ZBTB32: variants seen among roughly 807,000 people sequenced by gnomAD.
ZBTB32 encodes zinc finger and BTB domain containing 32.
ZBTB32 carries 28 observed loss-of-function variants against 45.3 expected under a neutral mutation model. The observed-to-expected ratio is 0.62, with a 90% CI of 0.46 to 0.85. ZBTB32 has a LOEUF of 0.85. Among genes scored for constraint, ZBTB32 ranks in the 40% least tolerant of loss-of-function variants. The pLI is 0.00. For missense variants in ZBTB32, 587 were observed against 624.4 expected (o/e 0.94, Z 0.64); for synonymous variants, 283 against 255.7 (o/e 1.11, Z -1.02).
In ZBTB32 at chr19:35,715,101, G is replaced by A. The variant is rs1376487682; in HGVS notation, c.475G>A (p.Gly159Arg). ...ACCAGAACAGGTTTCTAGAACTGGT[G>A]GGAGAGAACAGGAGATGTTGCACAA... The part of the protein sequence containing the change: ...QKPEQVSRTG[G>R]REQEMLHKHS... Residue 159 changes from glycine (G) to arginine (R), a missense_variant, in exon 3 of 7, where the codon GGG becomes AGG. Coordinates refer to ENST00000392197, the MANE Select transcript of ZBTB32 (RefSeq NM_014383.3). 6.2e-7 allele frequency: 1 copy of A among 1,614,072 alleles called. No individual in the cohort carries two copies. Among genetic ancestry groups the A allele is most frequent in the Non-Finnish European group, 8.5e-7 (1 of 1,180,018 alleles).
rs2227278 is a variant in ZBTB32, at chr19:35,715,148, A to T, written c.522A>T (p.Arg174Ser). ...MLHKHSPPRG[R>S]PEMAGATQEA... The stretch of plus-strand genomic sequence containing the variant: ...ACAAGCACTCGCCACCAAGAGGCAG[A>T]CCCGAGATGGCAGGAGCAACGCAGG... The change falls in exon 3 of 7, where the codon AGA becomes AGT. Residue 174 changes from arginine (R) to serine (S), a missense_variant. Transcript: ENST00000392197. The T allele has an allele frequency of 1.2e-6, 2 of 1,613,722 alleles. No homozygotes were observed. Among genetic ancestry groups the T allele is most frequent in the Non-Finnish European group, 1.7e-6 (2 of 1,179,978 alleles).
intron 1 of ZBTB32, among the ~76,000 whole-genome samples, chr19:35,705,888 G>A (rs372958975): frequency 2.8e-5 from 4 of 145,374 alleles, no homozygotes; most frequent in African/African-American, 7.7e-5. Flanking sequence ...TCCAGCCTGG[G>A]CAACAGAGCA....
Position 35,715,041 on chromosome 19 carries a change from G to A in ZBTB32, c.415G>A (p.Glu139Lys). The A allele has an allele frequency of 6.2e-7, 1 of 1,613,404 alleles. No individual in the cohort carries two copies. Among genetic ancestry groups the A allele is most frequent in the Non-Finnish European group, 8.5e-7 (1 of 1,179,848 alleles). The change falls in exon 3 of 7, where the codon GAG becomes AAG. Residue 139 changes from glutamate to lysine, a missense_variant. Physicochemically the swap from Glu to Lys is moderately conservative, Grantham distance 56 (BLOSUM62 1). Coordinates refer to ENST00000392197, the MANE Select transcript of ZBTB32 (RefSeq NM_014383.3). ...GCCAGAGAAACCCTCAAGGAATCCTGAGAGAGAACTGGGGGACCCTGGAGA... is the reference window on the plus strand; with the variant it reads ...GCCAGAGAAACCCTCAAGGAATCCTAAGAGAGAACTGGGGGACCCTGGAGA... ...EEPEKPSRNP[E>K]RELGDPGEKQ...
At chr19:35,709,958 C>T (rs1162185336) in intron 1 of ZBTB32, among the ~76,000 whole-genome samples, 1 of 151,420 alleles carries the variant, frequency 6.6e-6, no homozygotes, top group Non-Finnish European at 1.5e-5. Flanking sequence ...GCCTGTAATC[C>T]CAGCACTTTG....
At chr19:35,715,908 C>T in intron 4 of ZBTB32, 31 bp from the exon 5 acceptor site, 1 of 1,611,506 alleles carries the variant, frequency 6.2e-7, no homozygotes, top group Non-Finnish European at 8.5e-7. Flanking sequence ...CCAGCCTGAG[C>T]AGGGCCCCTA....
intron 1 of ZBTB32, among the ~76,000 whole-genome samples, chr19:35,707,099 A>C (rs1475217357): frequency 6.6e-6 from 1 of 150,410 alleles, no homozygotes; most frequent in African/African-American, 2.4e-5. Flanking sequence ...GGAGGCTGAG[A>C]TAGGGGGATG....
chr19:35,709,809 G>A (rs1424770107), intron 1 of ZBTB32, among the ~76,000 whole-genome samples: 1 of 151,570 alleles, frequency 6.6e-6, no homozygotes, highest in African/African-American at 2.4e-5. Flanking sequence ...AACCCAGGAG[G>A]CGGAGGTTAC....
At chr19:35,715,670 G>T in intron 3 of ZBTB32, 87 bp from the exon 4 acceptor site, 1 of 1,504,250 alleles carries the variant, frequency 6.6e-7, no homozygotes, top group Non-Finnish European at 9.0e-7. Flanking sequence ...CCAGCCCCCG[G>T]GGGAGGACTT....
chr19:35,716,735 T>C lies in ZBTB32; in HGVS notation c.1447T>C (p.Ser483Pro), dbSNP rs369377421. 1.9e-5 allele frequency: 30 copies of C among 1,606,854 alleles called. No individual in the cohort carries two copies. The highest frequency in any genetic ancestry group is 1.7e-4 in the Middle Eastern group (1 of 6,042). ...GCCCTCGACCTCTCCCTGTTGTCCT[T>C]CTTCCTCCACCACCTGACGGGGTGT... ...SRPSTSPCCP[S>P]SSTT The change falls in exon 7 of 7, where the codon TCT (serine) becomes CCT (proline). Residue 483 changes from serine to proline, a missense_variant. Ser to Pro is a moderately conservative substitution (Grantham distance 74). Transcript: ENST00000392197.
chr19:35,705,254 G>A (rs1056513745), intron 1 of ZBTB32, among the ~76,000 whole-genome samples: 7 of 152,126 alleles, frequency 4.6e-5, no homozygotes, highest in South Asian at 2.1e-4. Context: ...GGAGATGAAC[G>A]TTGCAGTGAG....
In ZBTB32 at chr19:35,715,935, C is replaced by T; in HGVS notation, c.956-4C>T. On this transcript the variant is annotated splice_polypyrimidine_tract_variant and splice_region_variant and intron_variant, in intron 4 of 6. Transcript: ENST00000392197. ...GGGCCCCTACCTCCCACTGTTCCTT[C>T]CAGGTTCCCTCCCCCAGGGCCCCGC... The T allele has an allele frequency of 1.9e-6, 3 of 1,613,298 alleles. No homozygotes were observed. The South Asian group carries it at 3.3e-5, about 18-fold the overall frequency.
chr19:35,714,764 G>A lies in ZBTB32; in HGVS notation c.138G>A (p.Val46=). ...AGGAGTTCCCCGCCCACAGCCTGGTGCTAGCAGGTGTCAGCCAGCAGCTGG... is the reference window on the plus strand; with the variant it reads ...AGGAGTTCCCCGCCCACAGCCTGGTACTAGCAGGTGTCAGCCAGCAGCTGG... ...GSQEFPAHSL[V]LAGVSQQLGR... The change falls in exon 3 of 7, where the codon GTG becomes GTA. Residue 46 remains valine (V), a synonymous_variant. Transcript: ENST00000392197. The A allele has an allele frequency of 6.2e-7, 1 of 1,614,192 alleles. No homozygotes were observed.
Position 35,716,902 on chromosome 19 carries a change from C to T in ZBTB32, c.*150C>T. The stretch of plus-strand genomic sequence containing the variant: ...AGGGCGCCGAGTGCCCTCTCCTGGA[C>T]GATCGCGGGTCGCAGAAGCCCAGGC... On this transcript the variant is annotated 3_prime_UTR_variant, in exon 7 of 7. Transcript: ENST00000392197. 4 of 897,810 alleles carry T rather than the reference C, an allele frequency of 4.5e-6. No homozygotes were observed. The highest frequency in any genetic ancestry group is 1.7e-5 in the South Asian group (1 of 58,206). 55.6% of individuals were successfully genotyped at this position (897,810 alleles called of 1,614,324 possible).
At chr19:35,708,822 CTTT>C (rs560022559) in intron 1 of ZBTB32, among the ~76,000 whole-genome samples, 2 of 142,162 alleles carry the variant, frequency 1.4e-5, no homozygotes. Context: ...TTTCTTTTTT[CTTT>C]TTTTTTTTTT....
chr19:35,715,887 G>A, intron 4 of ZBTB32, 52 bp from the exon 5 acceptor site: 1 of 1,609,496 alleles, frequency 6.2e-7, no homozygotes, highest in Non-Finnish European at 8.5e-7. Context: ...CTGGGCTGGG[G>A]CTCGAGGAGT....
intron 1 of ZBTB32, among the ~76,000 whole-genome samples, chr19:35,707,069 C>T (rs973295125): frequency 2.0e-5 from 3 of 152,040 alleles, no homozygotes; most frequent in African/African-American, 7.2e-5. Flanking sequence ...ATGGCACATG[C>T]CTGTAATCCC....
intron 2 of ZBTB32, 26 bp from the exon 3 acceptor site, chr19:35,714,497 C>A: frequency 9.3e-7 from 1 of 1,074,174 alleles, no homozygotes; most frequent in Non-Finnish European, 1.3e-6. Context: ...ACCAGCAACT[C>A]ACACCCTCTC....
Position 35,716,001 on chromosome 19 carries a change from C to A in ZBTB32, c.1018C>A (p.His340Asn). The part of the protein sequence containing the change: ...PGEMEESDQG[H>N]TGALATCAGH... ...GGAGATGGAAGAGTCTGATCAGGGG[C>A]ACACAGGTGAGTCGGGCGGGGGCAC... The change falls in exon 5 of 7, where the codon CAC (histidine) becomes AAC (asparagine). Residue 340 changes from histidine to asparagine, a missense_variant. Transcript: ENST00000392197. The A allele has an allele frequency of 6.2e-7, 1 of 1,612,454 alleles. No individual in the cohort carries two copies. The highest frequency in any genetic ancestry group is 8.5e-7 in the Non-Finnish European group (1 of 1,179,946).
At chr19:35,711,047 C>G (rs1017949792) in intron 1 of ZBTB32, among the ~76,000 whole-genome samples, 3 of 152,126 alleles carry the variant, frequency 2.0e-5, no homozygotes, top group African/African-American at 7.2e-5. Context: ...TTTAGGTTCC[C>G]CGAAAGCCCA....
Sources: gnomAD v4.1 joint callset for allele counts (sites outside exome capture counted in the v4.1 genomes callset) on GRCh38, gnomAD v4.1.1 for gene constraint, MANE v1.5 for transcripts, NCBI Gene and HGNC (gene_info 2026-07-23, HGNC 2026-07-21) for gene names.